Variants in SH3KBP1 observed in about 807,000 individuals in gnomAD.
SH3KBP1 encodes the protein SH3 domain containing kinase binding protein 1.
Under a neutral mutation model 50.1 loss-of-function variants are expected in SH3KBP1, and 8 were observed. The ratio of observed to expected loss-of-function variants is 0.16; its 90% CI spans 0.09 to 0.29. The LOEUF is 0.29. SH3KBP1 is among the 10% of genes least tolerant of loss of function. SH3KBP1 has a pLI of 1.00. For missense variants in SH3KBP1, 377 were observed against 535.2 expected, an observed-to-expected ratio of 0.70 and a Z score of 2.92; for synonymous variants, 227 against 218.6, an observed-to-expected ratio of 1.04 and a Z score of -0.34.
Position 19,683,986 on chromosome X carries a change from G to A in SH3KBP1, c.563C>T (p.Ser188Leu). 1 of 1,211,134 alleles carries A rather than the reference G, an allele frequency of 8.3e-7. No homozygotes were observed. The highest frequency in any genetic ancestry group is 1.1e-6 in the Non-Finnish European group (1 of 895,239). The change falls in exon 6 of 18, where the codon TCA becomes TTA. Residue 188 changes from serine to leucine, a missense_variant. Transcript: ENST00000397821. Reference sequence around the variant, plus strand: ...GGCACCTTCAGACTTGGTGCTGCTTGAGTCACCCCCATCACTCTCGGAGCC... The same window carrying A: ...GGCACCTTCAGACTTGGTGCTGCTTAAGTCACCCCCATCACTCTCGGAGCC... Reference protein sequence around the residue: ...TTGSESDGGDSSSTKSEGANG... With the variant: ...TTGSESDGGDLSSTKSEGANG...
Position 19,720,365 on chromosome X carries a change from G to A in SH3KBP1, c.287-13381C>T, listed in dbSNP as rs185285320. ...CCCTGGCAGCTAGCTCTCCAGAGGAGAGGGAGTCTGGATTTTCAGAGGAGA... is the reference window on the plus strand; with the variant it reads ...CCCTGGCAGCTAGCTCTCCAGAGGAAAGGGAGTCTGGATTTTCAGAGGAGA... On this transcript the variant is annotated intron_variant, in intron 3 of 17. Transcript: ENST00000397821. 3.3e-3 allele frequency among the ~76,000 whole-genome samples: 365 copies of A among 111,034 alleles called. 3 individuals carry two copies. Among genetic ancestry groups the A allele is most frequent in the Admixed American group, 0.016 (167 of 10,466 alleles).
At chrX:19,601,835 T>C (rs1202676063) in intron 9 of SH3KBP1, among the ~76,000 whole-genome samples, 1 of 111,039 alleles carries the variant, frequency 9.0e-6, no homozygotes, top group Non-Finnish European at 1.9e-5. Flanking sequence ...CTCTGTACCC[T>C]ATAGAGTCCC....
chrX:19,557,545 A>G (rs994879468), intron 13 of SH3KBP1, among the ~76,000 whole-genome samples: 1 of 112,295 alleles, frequency 8.9e-6, no homozygotes, highest in Non-Finnish European at 1.9e-5. Context: ...TATAATCTAT[A>G]CTATTCAAAT....
At chrX:19,624,704 T>G (rs1466203899) in intron 8 of SH3KBP1, among the ~76,000 whole-genome samples, 2 of 112,227 alleles carry the variant, frequency 1.8e-5, no homozygotes, top group Non-Finnish European at 3.8e-5. Context: ...CAGCAACAAA[T>G]TATACTCCTT....
intron 3 of SH3KBP1, among the ~76,000 whole-genome samples, chrX:19,734,882 A>G (rs1444269194): frequency 8.9e-6 from 1 of 112,509 alleles, no homozygotes; most frequent in African/African-American, 3.2e-5. Context: ...CATTTTGTGT[A>G]TAGACCACAT....
intron 1 of SH3KBP1, among the ~76,000 whole-genome samples, chrX:19,843,038 G>C (rs1371182852): frequency 1.7e-5 from 1 of 58,834 alleles, no homozygotes. Flanking sequence ...TTTTTTTTGA[G>C]ACGGAGTCTT....
At chrX:19,672,421 G>T (rs900937520) in intron 6 of SH3KBP1, among the ~76,000 whole-genome samples, 6 of 111,733 alleles carry the variant, frequency 5.4e-5, no homozygotes, top group Admixed American at 2.8e-4. Flanking sequence ...GGAGAAACCT[G>T]ACTAACACCT....
In SH3KBP1 at chrX:19,552,405, C is replaced by T. The variant is rs137862597; in HGVS notation, c.1385-2322G>A. Reference sequence around the variant, plus strand: ...CTGGTTGGGGAGGACAGAGGCATAACGAGGGGCAGAGGAAGGCTCGGGAAG... The same window carrying T: ...CTGGTTGGGGAGGACAGAGGCATAATGAGGGGCAGAGGAAGGCTCGGGAAG... On this transcript the variant is annotated intron_variant, in intron 13 of 17. Transcript: ENST00000397821. Among the ~76,000 whole-genome samples the T allele has an allele frequency of 3.6e-3, 401 of 110,140 alleles. 1 individual carries two copies. The highest frequency in any genetic ancestry group is 0.012 in the African/African-American group (370 of 30,274).
At chrX:19,872,312 G>T (rs2069071589) in intron 1 of SH3KBP1, among the ~76,000 whole-genome samples, 1 of 104,219 alleles carries the variant, frequency 9.6e-6, no homozygotes, top group Admixed American at 1.0e-4. Flanking sequence ...ATGGCAAAAA[G>T]CGGGAGAGAA....
chrX:19,537,651 A>G, intron 17 of SH3KBP1, 66 bp downstream of exon 17: 2 of 876,899 alleles, frequency 2.3e-6, no homozygotes, highest in Non-Finnish European at 1.7e-6. Flanking sequence ...TTGAAATAAA[A>G]GCCCTCACAA....
chrX:19,661,474 G>A (rs1266682081), intron 6 of SH3KBP1, among the ~76,000 whole-genome samples: 1 of 110,748 alleles, frequency 9.0e-6, no homozygotes, highest in Non-Finnish European at 1.9e-5. Context: ...ATGGCAAAAG[G>A]ACTGAAAGTA....
intron 1 of SH3KBP1, among the ~76,000 whole-genome samples, chrX:19,861,966 C>T (rs1218920674): frequency 8.9e-6 from 1 of 112,200 alleles, no homozygotes; most frequent in African/African-American, 3.2e-5. Context: ...AAAACTGTTG[C>T]CCTGACCTTT....
intron 2 of SH3KBP1, among the ~76,000 whole-genome samples, chrX:19,825,731 AG>A (rs965052687): frequency 4.5e-5 from 5 of 111,568 alleles, no homozygotes; most frequent in Admixed American, 3.8e-4. Context: ...AATATCAGCC[AG>A]GCGTGGTGGT....
chrX:19,843,729 G>A (rs2147460330), intron 1 of SH3KBP1, among the ~76,000 whole-genome samples: 1 of 111,659 alleles, frequency 9.0e-6, no homozygotes, highest in Non-Finnish European at 1.9e-5. Context: ...ATTCAACAAT[G>A]TCTGTAGCAG....
At chrX:19,594,270 C>T (rs762913142) in intron 10 of SH3KBP1, among the ~76,000 whole-genome samples, 3 of 111,007 alleles carry the variant, frequency 2.7e-5, no homozygotes, top group Non-Finnish European at 3.8e-5. Flanking sequence ...GGAGTTCTAC[C>T]GGGAAATATG....
intron 6 of SH3KBP1, among the ~76,000 whole-genome samples, chrX:19,660,314 T>C (rs1366869378): frequency 8.9e-6 from 1 of 112,694 alleles, no homozygotes; most frequent in African/African-American, 3.2e-5. Context: ...ATCTTCATAA[T>C]GCTTCTTTAT....
intron 7 of SH3KBP1, among the ~76,000 whole-genome samples, chrX:19,638,435 A>C (rs1240089941): frequency 1.9e-5 from 2 of 104,928 alleles, no homozygotes; most frequent in African/African-American, 7.1e-5. Context: ...AAAAGGCCTT[A>C]GTCTAGGTCA....
At chrX:19,634,513 C>T (rs1335605117) in intron 7 of SH3KBP1, among the ~76,000 whole-genome samples, 2 of 111,436 alleles carry the variant, frequency 1.8e-5, no homozygotes, top group African/African-American at 6.5e-5. Context: ...GGTGCCAGGG[C>T]TTGCTGCAGC....
At chrX:19,673,065 CAAAAAA>C (rs1174045446) in intron 6 of SH3KBP1, among the ~76,000 whole-genome samples, 2 of 37,338 alleles carry the variant, frequency 5.4e-5, no homozygotes, top group African/African-American at 1.8e-4. Context: ...GATTCTGTCT[CAAAAAA>C]AAAAAAAAAA....
Sources: gnomAD v4.1 joint callset for allele counts (sites outside exome capture counted in the v4.1 genomes callset) on GRCh38, gnomAD v4.1.1 for gene constraint, MANE v1.5 for transcripts, NCBI Gene and HGNC (gene_info 2026-07-23, HGNC 2026-07-21) for gene names.